Variants in RFX8 observed in about 807,000 individuals in gnomAD.
RFX8 encodes regulatory factor X8, also known as DNA-binding protein RFX8.
A neutral mutation model predicts 54.6 loss-of-function variants in RFX8; 46 were observed. The ratio of observed to expected loss-of-function variants is 0.84; its 90% CI spans 0.67 to 1.08. The LOEUF (loss-of-function observed/expected upper bound fraction) is 1.08, where lower values mean the gene tolerates loss of function less well. Ranked by LOEUF, RFX8 falls within the 50% of genes least tolerant of loss-of-function variation. RFX8 has a pLI of 0.00. For synonymous variants in RFX8, 192 were observed against 209.5 expected, an observed-to-expected ratio of 0.92 and a Z score of 0.72; for missense variants, 536 against 562.3, an observed-to-expected ratio of 0.95 and a Z score of 0.47.
chr2:101,401,907 T>A (rs1412456842), intron 11 of RFX8, among the ~76,000 whole-genome samples: 12 of 152,156 alleles, frequency 7.9e-5, no homozygotes, highest in Non-Finnish European at 1.8e-4. Flanking sequence ...TCCTCATCCA[T>A]CAAATGACAA....
chr2:101,405,493 C>T (rs1031800566), intron 10 of RFX8, among the ~76,000 whole-genome samples: 3 of 152,102 alleles, frequency 2.0e-5, no homozygotes, highest in African/African-American at 4.8e-5. Context: ...TGTGACCTTC[C>T]CCAACAGAGG....
intron 9 of RFX8, among the ~76,000 whole-genome samples, chr2:101,409,379 C>T (rs527768040): frequency 2.6e-5 from 4 of 151,724 alleles, no homozygotes; most frequent in Non-Finnish European, 4.4e-5. Flanking sequence ...CATGACATCA[C>T]GCCCAGCTAA....
chr2:101,440,477 G>A (rs1310579368), intron 2 of RFX8, among the ~76,000 whole-genome samples: 1 of 152,142 alleles, frequency 6.6e-6, no homozygotes, highest in African/African-American at 2.4e-5. Context: ...AAAACTTTAG[G>A]TGCCGAGTCG....
intron 2 of RFX8, among the ~76,000 whole-genome samples, chr2:101,429,194 A>G (rs1423227903): frequency 6.6e-6 from 1 of 152,236 alleles, no homozygotes; most frequent in Non-Finnish European, 1.5e-5. Context: ...GGCTTTAAAA[A>G]ATTCATTTCT....
intron 1 of RFX8, among the ~76,000 whole-genome samples, chr2:101,468,975 T>C (rs956911172): frequency 3.6e-5 from 5 of 138,030 alleles, no homozygotes; most frequent in Non-Finnish European, 7.6e-5. Context: ...TATATATATG[T>C]AAGTATATAT....
chr2:101,458,895 G>A lies in RFX8; in HGVS notation c.72+7882C>T, dbSNP rs567321854. 2.1e-3 allele frequency among the ~76,000 whole-genome samples: 321 copies of A among 152,158 alleles called. 5 individuals carry two copies. In the South Asian group the frequency reaches 0.029, roughly 14 times the overall value. ...TTCACATAGTCCCATATTTCTTGGCGGCTTTGTTCATTTCTTGTTACTCTT... is the reference window on the plus strand; with the variant it reads ...TTCACATAGTCCCATATTTCTTGGCAGCTTTGTTCATTTCTTGTTACTCTT... On this transcript the variant is annotated intron_variant, in intron 2 of 11. Coordinates refer to ENST00000428343, the MANE Select transcript of RFX8 (RefSeq NM_001145664.2).
Position 101,402,638 on chromosome 2 carries a change from G to T in RFX8, c.1043C>A (p.Pro348Gln), listed in dbSNP as rs1260280672. The T allele has an allele frequency of 6.4e-7, 1 of 1,553,532 alleles. No homozygotes were observed. Among genetic ancestry groups the T allele is most frequent in the East Asian group, 2.4e-5 (1 of 41,126 alleles). ...TGGCTGGCCGAGAGTCGGGTCATCT[G>T]GTAGCATTTCCTTGACAGTCCCCAT... Reference protein sequence around the residue: ...EDMGTVKEMLPDDPTLGQPDQ... With the variant: ...EDMGTVKEMLQDDPTLGQPDQ... Residue 348 changes from proline (P) to glutamine (Q), a missense_variant, in exon 11 of 12, where the codon CCA becomes CAA. Coordinates refer to ENST00000428343, the MANE Select transcript of RFX8 (RefSeq NM_001145664.2).
chr2:101,433,198 C>T (rs1030996287), intron 2 of RFX8, among the ~76,000 whole-genome samples: 1 of 152,088 alleles, frequency 6.6e-6, no homozygotes, highest in African/African-American at 2.4e-5. Flanking sequence ...AATTTTGCAC[C>T]CTGTAAAGGG....
intron 10 of RFX8, 126 bp from the exon 11 acceptor site, chr2:101,402,878 C>T: frequency 1.2e-6 from 1 of 847,088 alleles, no homozygotes; most frequent in Non-Finnish European, 1.8e-6. Context: ...ATAGCTTACC[C>T]AGAAGAGGCC....
intron 11 of RFX8, among the ~76,000 whole-genome samples, chr2:101,399,576 T>A (rs1685311812): frequency 6.6e-6 from 1 of 152,122 alleles, no homozygotes. Flanking sequence ...GGGCCAACAG[T>A]GTTAAGAGGA....
intron 1 of RFX8, 63 bp downstream of exon 1, chr2:101,474,573 G>C: frequency 3.5e-6 from 1 of 286,070 alleles, no homozygotes; most frequent in East Asian, 5.9e-5. Flanking sequence ...CTCTCACCCA[G>C]CGCCCTTCCC....
chr2:101,471,971 G>C (rs1291602134), intron 1 of RFX8, among the ~76,000 whole-genome samples: 1 of 152,118 alleles, frequency 6.6e-6, no homozygotes, highest in Non-Finnish European at 1.5e-5. Context: ...GTCTCCAGGC[G>C]TTCAGACCCC....
intron 7 of RFX8, 131 bp downstream of exon 7, chr2:101,414,723 C>A: frequency 1.5e-6 from 1 of 647,702 alleles, no homozygotes; most frequent in Non-Finnish European, 2.7e-6. Flanking sequence ...AATGGCCAGG[C>A]AAGGCCACCC....
At position 101,433,175 on chromosome 2, in the gene RFX8, G is replaced by A. The variant is rs1338807094; in HGVS notation, c.73-10703C>T. ...TATTGCTTTAAGCAAGTCACATGAA[G>A]CGACAGGGCCTCAATTTTGCACCCT... On this transcript the variant is annotated intron_variant, in intron 2 of 11. Transcript: ENST00000428343. Among the ~76,000 whole-genome samples, 3 of 152,156 alleles carry A rather than the reference G, an allele frequency of 2.0e-5. No homozygotes were observed. In the East Asian group the frequency reaches 5.8e-4, roughly 29 times the overall value.
rs1263488636 is a variant in RFX8 at position 101,410,610 on chromosome 2, G to T, written c.813+9C>A. The stretch of plus-strand genomic sequence containing the variant: ...ACACTTTTTTTTTTTTTAAGTCACA[G>T]CTTCCTACCTGGAACACAAATGCTT... On this transcript the variant is annotated intron_variant, in intron 9 of 11. Transcript: ENST00000428343. The T allele has an allele frequency of 2.1e-6, 3 of 1,436,166 alleles. No homozygotes were observed. The highest frequency in any genetic ancestry group is 1.4e-5 in the African/African-American group (1 of 69,140). 89.0% of individuals were successfully genotyped at this position (1,436,166 alleles called of 1,614,324 possible). A position where few individuals can be genotyped will look rare whatever the true frequency, so the allele number is the denominator to read the frequency against.
intron 2 of RFX8, among the ~76,000 whole-genome samples, chr2:101,445,466 C>T (rs1345671193): frequency 6.6e-6 from 1 of 151,962 alleles, no homozygotes; most frequent in African/African-American, 2.4e-5. Flanking sequence ...GATCATAGCT[C>T]ACTGCAGCCT....
chr2:101,432,462 G>A (rs1372915265), intron 2 of RFX8, among the ~76,000 whole-genome samples: 1 of 152,196 alleles, frequency 6.6e-6, no homozygotes, highest in Non-Finnish European at 1.5e-5. Context: ...CTAGGCTAGA[G>A]AGGAAGGTTG....
In RFX8 at chr2:101,450,299, C is replaced by A. The variant is rs182671523; in HGVS notation, c.72+16478G>T. Among the ~76,000 whole-genome samples the A allele has an allele frequency of 5.3e-5, 8 of 152,266 alleles. No individual in the cohort carries two copies. The East Asian group carries it at 1.5e-3, about 29-fold the overall frequency. On this transcript the variant is annotated intron_variant, in intron 2 of 11. Transcript: ENST00000428343. ...GCAGTGACGCAATCACGGCTCACTGCAGCCTGGACCTTGTCAGGCTCAGGT... is the reference window on the plus strand; with the variant it reads ...GCAGTGACGCAATCACGGCTCACTGAAGCCTGGACCTTGTCAGGCTCAGGT...
chr2:101,462,845 A>G (rs1478526579), intron 2 of RFX8, among the ~76,000 whole-genome samples: 1 of 152,066 alleles, frequency 6.6e-6, no homozygotes, highest in Non-Finnish European at 1.5e-5. Context: ...CTATCTACCT[A>G]TTTATCTTTA....
Sources: gnomAD v4.1 joint callset for allele counts (sites outside exome capture counted in the v4.1 genomes callset) on GRCh38, gnomAD v4.1.1 for gene constraint, MANE v1.5 for transcripts, NCBI Gene and HGNC (gene_info 2026-07-23, HGNC 2026-07-21) for gene names.